KLK3: variants seen among roughly 807,000 people sequenced by gnomAD.
KLK3 encodes kallikrein related peptidase 3.
Under a neutral mutation model 27.7 loss-of-function variants are expected in KLK3, and 23 were observed. The observed-to-expected ratio is 0.83, with a 90% CI of 0.60 to 1.17. The LOEUF is 1.17. Among genes scored for constraint, KLK3 ranks in the 50% most tolerant of loss-of-function variants. The probability of loss-of-function intolerance (pLI) is 0.00; values close to 1 mark genes in which losing one functional copy is unlikely to be tolerated. For synonymous variants in KLK3, 142 were observed against 134.2 expected (o/e 1.06, Z -0.40); for missense variants, 322 against 338.1 (o/e 0.95, Z 0.37).
rs775712442 is a variant in KLK3 at position 50,859,950 on chromosome 19, C to T, written c.631-22C>T. 3 of 1,597,958 alleles carry T rather than the reference C, an allele frequency of 1.9e-6. No individual in the cohort carries two copies. The South Asian group carries it at 3.4e-5, about 18-fold the overall frequency. On this transcript the variant is annotated intron_variant, in intron 4 of 4. Coordinates refer to ENST00000326003, the MANE Select transcript of KLK3 (RefSeq NM_001648.2). The stretch of plus-strand genomic sequence containing the variant: ...GAAACTGGGACTGACCTATCTCACT[C>T]TCTCCCTGCTTTTACCCTTAGGGTG...
intron 4 of KLK3, chr19:50,858,944 G>A: frequency 2.2e-6 from 1 of 446,498 alleles, no homozygotes. Flanking sequence ...GGCAGGAACA[G>A]GGACCACAAC....
In KLK3 at chr19:50,858,044, G is replaced by A. The variant is rs150517791; in HGVS notation, c.222G>A (p.Leu74=). 1.6e-4 allele frequency: 257 copies of A among 1,610,976 alleles called. No individual in the cohort carries two copies. In the African/African-American group the frequency reaches 3.2e-3, roughly 20 times the overall value. The stretch of plus-strand genomic sequence containing the variant: ...TCCTCCCCAGCAAAAGCGTGATCTT[G>A]CTGGGTCGGCACAGCCTGTTTCATC... ...AHCIRNKSVI[L]LGRHSLFHPE... Residue 74 remains leucine (L), a synonymous_variant, in exon 3 of 5, where the codon TTG becomes TTA. Coordinates refer to ENST00000326003, the MANE Select transcript of KLK3 (RefSeq NM_001648.2).
intron 2 of KLK3, 147 bp downstream of exon 2, chr19:50,856,546 G>A (rs2090148583): frequency 3.1e-6 from 3 of 966,882 alleles, no homozygotes; most frequent in South Asian, 1.7e-5. Flanking sequence ...GGGGAGGCAG[G>A]GTTGGGGCTG....
chr19:50,858,102 C>T lies in KLK3; in HGVS notation c.280C>T (p.His94Tyr), dbSNP rs1179892444. ...EDTGQVFQVSHSFPHPLYDMS... is the reference protein window; with the variant it reads ...EDTGQVFQVSYSFPHPLYDMS... ...CACAGGCCAGGTATTTCAGGTCAGC[C>T]ACAGCTTCCCACACCCGCTCTACGA... Residue 94 changes from histidine to tyrosine, a missense_variant, in exon 3 of 5, where the codon CAC (histidine) becomes TAC (tyrosine). His to Tyr is a moderately conservative substitution (Grantham distance 83). Transcript: ENST00000326003. 1 of 1,613,952 alleles carries T rather than the reference C, an allele frequency of 6.2e-7. No homozygotes were observed. Among genetic ancestry groups the T allele is most frequent in the Non-Finnish European group, 8.5e-7 (1 of 1,180,002 alleles).
intron 2 of KLK3, 169 bp downstream of exon 2, chr19:50,856,568 C>G: frequency 1.5e-6 from 1 of 668,514 alleles, no homozygotes; most frequent in Middle Eastern, 4.2e-4. Context: ...ACCACCCTCC[C>G]CATGGCTGCC....
rs531392134 is a variant in KLK3, at chr19:50,856,885, G to T, written c.206+486G>T. On this transcript the variant is annotated intron_variant, in intron 2 of 4. Coordinates refer to ENST00000326003, the MANE Select transcript of KLK3 (RefSeq NM_001648.2). ...CCTGAGAAAAGGAAGGGCTTTGGCT[G>T]GGCGCGGTGGCTCACACCTGTAATC... 3.7e-4 allele frequency among the ~76,000 whole-genome samples: 56 copies of T among 152,148 alleles called. No homozygotes were observed. In the South Asian group the frequency reaches 4.1e-3, roughly 11 times the overall value.
chr19:50,859,568 G>A (rs768243223), intron 4 of KLK3: 1 of 1,613,678 alleles, frequency 6.2e-7, no homozygotes, highest in Non-Finnish European at 8.5e-7. Flanking sequence ...TGCCAGCCCT[G>A]CCGATGGTCC....
At chr19:50,858,732 T>A (rs2090165813) in intron 4 of KLK3, 137 bp downstream of exon 4, 1 of 874,016 alleles carries the variant, frequency 1.1e-6, no homozygotes, top group Non-Finnish European at 1.8e-6. Flanking sequence ...CCGTGTCTCA[T>A]CTCATTCCCT....
intron 1 of KLK3, chr19:50,855,969 G>A: frequency 2.6e-6 from 1 of 389,406 alleles, no homozygotes; most frequent in South Asian, 3.7e-5. Flanking sequence ...TCTGGGCGCT[G>A]TCTTGTGTCT....
At chr19:50,855,122 C>T (rs753701113) in intron 1 of KLK3, 121 bp downstream of exon 1, 5 of 976,492 alleles carry the variant, frequency 5.1e-6, no homozygotes, top group South Asian at 4.2e-5. Context: ...TCTTTTCTGT[C>T]TCTCCCAGCC....
chr19:50,858,706 T>C, intron 4 of KLK3, 111 bp downstream of exon 4: 3 of 1,224,382 alleles, frequency 2.5e-6, no homozygotes, highest in Non-Finnish European at 3.5e-6. Flanking sequence ...TCCCCAGCTG[T>C]AGCCATGCCA....
chr19:50,860,181 G>T lies in KLK3; in HGVS notation c.*54G>T. On this transcript the variant is annotated 3_prime_UTR_variant, in exon 5 of 5. Transcript: ENST00000326003. ...AACTTGGAACCTTGGAAATGACCAG[G>T]CCAAGACTCAAGCCTCCCCAGTTCT... 7.0e-7 allele frequency: 1 copy of T among 1,429,570 alleles called. No individual in the cohort carries two copies. Among genetic ancestry groups the T allele is most frequent in the South Asian group, 1.2e-5 (1 of 81,692 alleles). 88.6% of individuals were successfully genotyped at this position (1,429,570 alleles called of 1,614,324 possible).
Position 50,854,928 on chromosome 19 carries a change from C to T in KLK3, c.-28C>T. 1 of 1,613,452 alleles carries T rather than the reference C, an allele frequency of 6.2e-7. No homozygotes were observed. Among genetic ancestry groups the T allele is most frequent in the South Asian group, 1.1e-5 (1 of 91,044 alleles). On this transcript the variant is annotated 5_prime_UTR_variant, in exon 1 of 5. Coordinates refer to ENST00000326003, the MANE Select transcript of KLK3 (RefSeq NM_001648.2). ...GGGAGGCTCCCCAGCCCCAAGCTTA[C>T]CACCTGCACCCGGAGAGCTGTGTCA... is the stretch of plus-strand genomic sequence containing the variant.
At chr19:50,859,532 G>T (rs2090171128) in intron 4 of KLK3, 1 of 1,612,386 alleles carries the variant, frequency 6.2e-7, no homozygotes, top group Non-Finnish European at 8.5e-7. Context: ...ACCCACAGTG[G>T]GTCATTCTGA....
rs549607819 is a variant in KLK3, at chr19:50,855,195, C to T, written c.46+194C>T. The T allele has an allele frequency of 4.4e-4, 256 of 586,658 alleles. No homozygotes were observed. The African/African-American group carries it at 4.5e-3, about 10-fold the overall frequency. The allele number at this position is 586,658 out of a possible 1,614,324, so 36.3% of individuals were successfully genotyped here. A position where few individuals can be genotyped will look rare whatever the true frequency, so the allele number is the denominator to read the frequency against. Reference sequence around the variant, plus strand: ...AACAGTCCTCACTCCCACACCAGGTCCCCGCTCCCTCCCACTTACCCCAGA... The same window carrying T: ...AACAGTCCTCACTCCCACACCAGGTTCCCGCTCCCTCCCACTTACCCCAGA... On this transcript the variant is annotated intron_variant, in intron 1 of 4. Transcript: ENST00000326003.
At chr19:50,855,530 C>G (rs1232748199) in intron 1 of KLK3, 1 of 157,074 alleles carries the variant, frequency 6.4e-6, no homozygotes, top group Admixed American at 6.1e-5. Context: ...GCCAGGCTAT[C>G]TGGCCTGAGA....
intron 1 of KLK3, 182 bp from the exon 2 acceptor site, chr19:50,856,058 C>G: frequency 1.7e-6 from 1 of 596,492 alleles, no homozygotes; most frequent in Non-Finnish European, 3.0e-6. Flanking sequence ...ACCTGCAAAC[C>G]TAGGGAAGAT....
intron 2 of KLK3, 84 bp from the exon 3 acceptor site, chr19:50,857,945 T>G (rs901939812): frequency 4.9e-5 from 69 of 1,406,622 alleles, no homozygotes; most frequent in Non-Finnish European, 6.1e-5. Flanking sequence ...TTTTTCTCTT[T>G]TGGAGCCTCC....
chr19:50,859,794 C>A, intron 4 of KLK3, 178 bp from the exon 5 acceptor site: 1 of 1,468,510 alleles, frequency 6.8e-7, no homozygotes, highest in East Asian at 2.4e-5. Flanking sequence ...GGAGCCCCTA[C>A]CCCTCTGTTG....
Sources: gnomAD v4.1 joint callset for allele counts (sites outside exome capture counted in the v4.1 genomes callset) on GRCh38, gnomAD v4.1.1 for gene constraint, MANE v1.5 for transcripts, NCBI Gene and HGNC (gene_info 2026-07-23, HGNC 2026-07-21) for gene names.